HMCN1: variants seen among roughly 807,000 people sequenced by gnomAD.
HMCN1 encodes hemicentin-1.
Under a neutral mutation model 625.9 loss-of-function variants are expected in HMCN1, and 321 were observed. The observed-to-expected ratio is 0.51, with a 90% confidence interval of 0.47 to 0.56. The LOEUF is 0.56. Among genes scored for constraint, HMCN1 ranks in the 20% least tolerant of loss-of-function variants. The pLI is 0.00. For missense variants in HMCN1, 6,588 were observed against 6,887.3 expected, an observed-to-expected ratio of 0.96 and a Z score of 1.54; for synonymous variants, 2,425 against 2,417.6, an observed-to-expected ratio of 1.00 and a Z score of -0.09.
In HMCN1 at chr1:186,144,537, T is replaced by C. The variant is rs945026540; in HGVS notation, c.14100T>C (p.His4700=). The change falls in exon 91 of 107, where the codon CAT becomes CAC. Residue 4700 remains histidine (H), a synonymous_variant. Coordinates refer to ENST00000271588, the MANE Select transcript of HMCN1 (RefSeq NM_031935.3). ...TACCTTTTTCCCTTATTCCAGTTCA[T>C]GGCAAGTGGGCGACTTGGGCCAGTT... ...QVCNERNCPI[H]GKWATWASWS... The C allele has an allele frequency of 3.1e-6, 5 of 1,614,032 alleles. No homozygotes were observed. In the African/African-American group the frequency reaches 6.7e-5, roughly 22 times the overall value.
chr1:185,871,387 C>T (rs567982827), intron 4 of HMCN1, among the ~76,000 whole-genome samples: 7 of 152,228 alleles, frequency 4.6e-5, no homozygotes, highest in African/African-American at 1.4e-4. Flanking sequence ...ATATCCCAGC[C>T]ATGTGACCTC....
intron 46 of HMCN1, among the ~76,000 whole-genome samples, chr1:186,057,947 G>C (rs965263213): frequency 6.6e-6 from 1 of 151,978 alleles, no homozygotes; most frequent in African/African-American, 2.4e-5. Context: ...AGCGTAGAGA[G>C]AGGCAAGCTG....
chr1:186,102,936 C>A (rs1251513314), intron 68 of HMCN1, among the ~76,000 whole-genome samples: 2 of 152,092 alleles, frequency 1.3e-5, no homozygotes, highest in East Asian at 3.9e-4. Flanking sequence ...GGAAGTTACT[C>A]CCATCCAGAC....
At chr1:185,914,419 C>T (rs921748900) in intron 6 of HMCN1, among the ~76,000 whole-genome samples, 3 of 152,036 alleles carry the variant, frequency 2.0e-5, no homozygotes, top group African/African-American at 7.2e-5. Context: ...TTGAATGTTT[C>T]ACATAACAGT....
At chr1:186,161,041 A>T (rs1264314224) in intron 97 of HMCN1, among the ~76,000 whole-genome samples, 1 of 152,058 alleles carries the variant, frequency 6.6e-6, no homozygotes, top group African/African-American at 2.4e-5. Flanking sequence ...CCCATTATTA[A>T]TGTGTGGGAG....
At chr1:185,962,847 T>A (rs1650129383) in intron 12 of HMCN1, among the ~76,000 whole-genome samples, 188 bp downstream of exon 12, 1 of 152,144 alleles carries the variant, frequency 6.6e-6, no homozygotes, top group Admixed American at 6.6e-5. Flanking sequence ...AGTTTGAGGT[T>A]ATTGAGTCTT....
intron 30 of HMCN1, among the ~76,000 whole-genome samples, chr1:186,014,553 A>G (rs1654227697): frequency 6.6e-6 from 1 of 152,030 alleles, no homozygotes; most frequent in African/African-American, 2.4e-5. Context: ...TCCTAGCAGC[A>G]CAGCCCTTAT....
At chr1:185,893,172 C>T (rs552680302) in intron 4 of HMCN1, among the ~76,000 whole-genome samples, 26 of 152,342 alleles carry the variant, frequency 1.7e-4, no homozygotes, top group East Asian at 9.7e-4. Flanking sequence ...CTTCGGCTCA[C>T]GCACGGTGCC....
chr1:185,963,628 G>T, intron 12 of HMCN1, 140 bp from the exon 13 acceptor site: 1 of 645,150 alleles, frequency 1.6e-6, no homozygotes. Flanking sequence ...ATAAAATAAT[G>T]ATGGTAACCA....
intron 29 of HMCN1, among the ~76,000 whole-genome samples, chr1:186,006,075 G>A (rs997972740): frequency 6.6e-6 from 1 of 150,848 alleles, no homozygotes; most frequent in Non-Finnish European, 1.5e-5. Flanking sequence ...GGCAGAGGTT[G>A]CAGTGAGCTG....
chr1:186,144,381 C>T (rs1024726226), intron 90 of HMCN1, 38 bp downstream of exon 90: 1 of 1,602,774 alleles, frequency 6.2e-7, no homozygotes, highest in Non-Finnish European at 8.5e-7. Context: ...AATAAATTAA[C>T]ATCTACCTAT....
At chr1:185,744,242 C>T (rs1195219024) in intron 1 of HMCN1, among the ~76,000 whole-genome samples, 1 of 152,010 alleles carries the variant, frequency 6.6e-6, no homozygotes, top group Non-Finnish European at 1.5e-5. Flanking sequence ...GATCCACCCA[C>T]GTTGGCCTCC....
At position 186,103,649 on chromosome 1, in the gene HMCN1, T is replaced by C; in HGVS notation, c.10751T>C (p.Leu3584Pro). 1.2e-6 allele frequency: 2 copies of C among 1,613,734 alleles called. No individual in the cohort carries two copies. Among genetic ancestry groups the C allele is most frequent in the Non-Finnish European group, 1.7e-6 (2 of 1,179,708 alleles). The change falls in exon 69 of 107, where the codon CTT (leucine) becomes CCT (proline). Residue 3584 changes from leucine to proline, a missense_variant. Physicochemically the swap from Leu to Pro is moderately conservative, Grantham distance 98. Around this residue, in one of 3 missense-constraint regions of HMCN1, gnomAD observed 4,628 missense variants for 4,853.1 expected, o/e 0.95. Coordinates refer to ENST00000271588, the MANE Select transcript of HMCN1 (RefSeq NM_031935.3). ...CAAACTCTAGGAGGAGGAGAGGTTC[T>C]TCGAATTTCTACTGCTCAGGTAAGT... is the stretch of plus-strand genomic sequence containing the variant. Reference protein sequence around the residue: ...QVQTLGGGEVLRISTAQVEDT... With the variant: ...QVQTLGGGEVPRISTAQVEDT...
Position 186,144,549 on chromosome 1 carries a change from G to T in HMCN1, c.14112G>T (p.Ala4704=). The part of the protein sequence containing the change: ...ERNCPIHGKW[A]TWASWSACSV... ...TTATTCCAGTTCATGGCAAGTGGGCGACTTGGGCCAGTTGGAGTGCCTGTT... is the reference window on the plus strand; with the variant it reads ...TTATTCCAGTTCATGGCAAGTGGGCTACTTGGGCCAGTTGGAGTGCCTGTT... Residue 4704 remains alanine (A), a synonymous_variant, in exon 91 of 107, where the codon GCG becomes GCT. Coordinates refer to ENST00000271588, the MANE Select transcript of HMCN1 (RefSeq NM_031935.3). 6.2e-7 allele frequency: 1 copy of T among 1,614,066 alleles called. No individual in the cohort carries two copies. The highest frequency in any genetic ancestry group is 8.5e-7 in the Non-Finnish European group (1 of 1,180,010).
chr1:185,841,393 TAAACCATTTTGGTTACATAGG>T (rs1050349905), intron 1 of HMCN1, among the ~76,000 whole-genome samples: 1 of 152,222 alleles, frequency 6.6e-6, no homozygotes, highest in African/African-American at 2.4e-5. Flanking sequence ...TTAAAGTGAA[TAAACCATTTTGGTTACATAGG>T]AAACTGAAAA....
intron 52 of HMCN1, among the ~76,000 whole-genome samples, chr1:186,072,433 T>C (rs1658532800): frequency 1.3e-5 from 2 of 152,192 alleles, no homozygotes; most frequent in Admixed American, 6.5e-5. Context: ...CATCTACTAT[T>C]TGTCAGACAC....
In HMCN1 at chr1:186,189,767, A is replaced by G. The variant is rs1653600240; in HGVS notation, c.16797A>G (p.Glu5599=). The change falls in exon 107 of 107, where the codon GAA becomes GAG. Residue 5599 remains glutamate, a synonymous_variant. Coordinates refer to ENST00000271588, the MANE Select transcript of HMCN1 (RefSeq NM_031935.3). ...GVVYTTRPLR[E]AETYRMRVRA... is the part of the protein sequence containing the mutation. ...TGTATACAACACGACCACTACGAGA[A>G]GCAGAGACCTACCGCATGAGGGTCC... 9 of 1,613,672 alleles carry G rather than the reference A, an allele frequency of 5.6e-6. No individual in the cohort carries two copies. Among genetic ancestry groups the G allele is most frequent in the East Asian group, 2.2e-5 (1 of 44,876 alleles).
chr1:185,989,508 C>G lies in HMCN1; in HGVS notation c.3069C>G (p.Thr1023=), dbSNP rs750159902. 12 of 1,613,992 alleles carry G rather than the reference C, an allele frequency of 7.4e-6. No individual in the cohort carries two copies. Among genetic ancestry groups the G allele is most frequent in the Non-Finnish European group, 8.5e-6 (10 of 1,179,980 alleles). The change falls in exon 21 of 107, where the codon ACC becomes ACG. Residue 1023 remains threonine (T), a synonymous_variant. Transcript: ENST00000271588. ...TGCAGAAAGGAGAGCTGATTTCAAC[C>G]AGCAGTGCTAAGTTTTCAGCAGGAG... ...IWSKKGELIS[T]SSAKFSAGAD...
chr1:186,074,611 A>T (rs1027220255), intron 52 of HMCN1, 130 bp from the exon 53 acceptor site: 2 of 770,808 alleles, frequency 2.6e-6, no homozygotes, highest in Non-Finnish European at 4.3e-6. Context: ...TGATTAAACT[A>T]TTGTCATGAA....
Sources: gnomAD v4.1 joint callset for allele counts (sites outside exome capture counted in the v4.1 genomes callset) on GRCh38, gnomAD v4.1.1 for gene constraint, gnomAD v4.1.1 regional missense constraint, MANE v1.5 for transcripts, NCBI Gene and HGNC (gene_info 2026-07-23, HGNC 2026-07-21) for gene names.